Variants in ADCY2 observed in about 807,000 individuals in gnomAD.
The protein encoded by ADCY2 is adenylate cyclase 2, also known as adenylate cyclase type 2.
Under a neutral mutation model 125.2 loss-of-function variants are expected in ADCY2, and 31 were observed. The observed-to-expected ratio is 0.25, with a 90% CI of 0.19 to 0.33. The LOEUF is 0.33. Ranked by LOEUF, ADCY2 falls within the 10% of genes least tolerant of loss-of-function variation. The probability of loss-of-function intolerance (pLI) is 1.00; values close to 1 mark genes in which losing one functional copy is unlikely to be tolerated. For synonymous variants in ADCY2, 512 were observed against 548.4 expected (o/e 0.93, Z 0.93); for missense variants, 904 against 1,418.2 (o/e 0.64, Z 5.82).
intron 14 of ADCY2, among the ~76,000 whole-genome samples, chr5:7,735,802 G>C (rs1303370977): frequency 6.6e-6 from 1 of 152,116 alleles, no homozygotes; most frequent in South Asian, 2.1e-4. Flanking sequence ...GATGTCTTTG[G>C]TATTGGTGTC....
chr5:7,805,457 T>A (rs866404789), intron 22 of ADCY2, among the ~76,000 whole-genome samples: 68 of 150,670 alleles, frequency 4.5e-4, no homozygotes, highest in South Asian at 3.6e-3. Context: ...TGTGTGTGTG[T>A]GAGAGAGAGA....
chr5:7,826,519 A>G, intron 24 of ADCY2, 200 bp from the exon 25 acceptor site: 1 of 701,232 alleles, frequency 1.4e-6, no homozygotes, highest in Non-Finnish European at 2.5e-6. Flanking sequence ...GTTTTTCACT[A>G]TCCCAGCGCT....
intron 3 of ADCY2, among the ~76,000 whole-genome samples, chr5:7,557,202 A>ATATATATATATATATATATATATATGC (rs1735553787): frequency 1.3e-5 from 1 of 79,104 alleles, no homozygotes; most frequent in African/African-American, 3.5e-5. Context: ...GATATATATA[A>ATATATATATATATATATATATATATGC]CTCAAGTGAG....
At chr5:7,651,995 G>A (rs556945063) in intron 4 of ADCY2, among the ~76,000 whole-genome samples, 1 of 152,136 alleles carries the variant, frequency 6.6e-6, no homozygotes, top group African/African-American at 2.4e-5. Context: ...TAAGGACGGG[G>A]GTTTCACCAT....
chr5:7,430,877 T>C (rs1418249734), intron 2 of ADCY2, among the ~76,000 whole-genome samples: 2 of 152,092 alleles, frequency 1.3e-5, no homozygotes, highest in African/African-American at 2.4e-5. Context: ...TTGAGAGAAG[T>C]TAAAGAGCTA....
At chr5:7,537,231 CATTTA>C (rs1002389036) in intron 3 of ADCY2, among the ~76,000 whole-genome samples, 2 of 152,126 alleles carry the variant, frequency 1.3e-5, no homozygotes, top group Admixed American at 6.5e-5. Context: ...AAAACATTTC[CATTTA>C]ATTACAGGAC....
intron 2 of ADCY2, among the ~76,000 whole-genome samples, chr5:7,455,402 C>T (rs1741632433): frequency 6.6e-6 from 1 of 152,094 alleles, no homozygotes; most frequent in Admixed American, 6.6e-5. Context: ...TCTCCTTAAA[C>T]TATGGACATT....
chr5:7,564,852 A>G (rs879792395), intron 3 of ADCY2, among the ~76,000 whole-genome samples: 3 of 152,214 alleles, frequency 2.0e-5, no homozygotes, highest in African/African-American at 7.2e-5. Context: ...AGGATTCACA[A>G]AAATAACAGC....
At chr5:7,756,669 G>A (rs539461161) in intron 15 of ADCY2, among the ~76,000 whole-genome samples, 2 of 152,280 alleles carry the variant, frequency 1.3e-5, no homozygotes, top group South Asian at 4.1e-4. Flanking sequence ...GGTTGCCGGG[G>A]GCTGGGAGGA....
In ADCY2 at chr5:7,802,385, T is replaced by G; in HGVS notation, c.2775+21T>G. 1.2e-6 allele frequency: 2 copies of G among 1,611,746 alleles called. No individual in the cohort carries two copies. Among genetic ancestry groups the G allele is most frequent in the Non-Finnish European group, 1.7e-6 (2 of 1,178,606 alleles). ...ATGATGTAGGTACTGAGAGTTGCCC[T>G]CGAAGGGCAGCAGTACACTCAGTCT... On this transcript the variant is annotated intron_variant, in intron 21 of 24. Coordinates refer to ENST00000338316, the MANE Select transcript of ADCY2 (RefSeq NM_020546.3). This position sits in a 1 kb window ranked among gnomAD's most constrained non-coding sequence, Gnocchi z 4.6.
chr5:7,403,734 TTA>T (rs571661965), intron 1 of ADCY2, among the ~76,000 whole-genome samples: 19 of 152,156 alleles, frequency 1.2e-4, no homozygotes, highest in African/African-American at 4.6e-4. Flanking sequence ...TACACATAAA[TTA>T]TATATATGTG....
At chr5:7,573,588 A>ATTTTTTTTTTT (rs1561102712) in intron 3 of ADCY2, among the ~76,000 whole-genome samples, 4 of 94,622 alleles carry the variant, frequency 4.2e-5, no homozygotes, top group Non-Finnish European at 8.6e-5. Flanking sequence ...TACAGGGTTG[A>ATTTTTTTTTTT]TTTTCTTTTT....
chr5:7,602,733 C>T (rs917042507), intron 3 of ADCY2, among the ~76,000 whole-genome samples: 1 of 152,148 alleles, frequency 6.6e-6, no homozygotes, highest in African/African-American at 2.4e-5. Flanking sequence ...TCAATTTATT[C>T]ATTTGCTTCA....
At chr5:7,741,851 C>G in intron 14 of ADCY2, among the ~76,000 whole-genome samples, 1 of 151,580 alleles carries the variant, frequency 6.6e-6, no homozygotes, top group African/African-American at 2.4e-5. Context: ...ATCGTCATCA[C>G]CATCACCATC....
chr5:7,662,726 T>A (rs1208354738), intron 4 of ADCY2, among the ~76,000 whole-genome samples: 1 of 152,142 alleles, frequency 6.6e-6, no homozygotes, highest in Non-Finnish European at 1.5e-5. Context: ...CTGGATGCTG[T>A]TGCACACGGA....
chr5:7,568,877 A>T (rs1735989037), intron 3 of ADCY2, among the ~76,000 whole-genome samples: 1 of 152,118 alleles, frequency 6.6e-6, no homozygotes, highest in Non-Finnish European at 1.5e-5. Flanking sequence ...AGCCATGATG[A>T]CATGGAGCTG....
At chr5:7,775,943 TAAAAC>T (rs1031030169) in intron 18 of ADCY2, among the ~76,000 whole-genome samples, 2 of 152,210 alleles carry the variant, frequency 1.3e-5, no homozygotes, top group African/African-American at 4.8e-5. Context: ...GATGTCCACT[TAAAAC>T]TAACCCCACA....
At position 7,520,819 on chromosome 5, in the gene ADCY2, C is replaced by T; in HGVS notation, c.490C>T (p.Leu164Phe). 1 of 1,614,208 alleles carries T rather than the reference C, an allele frequency of 6.2e-7. No individual in the cohort carries two copies. Among genetic ancestry groups the T allele is most frequent in the South Asian group, 1.1e-5 (1 of 91,080 alleles). ...GCGAGACGCCATCATTGCCAGCGTCCTCACCTCCTCCTCCCACACCATCGT... is the reference window on the plus strand; with the variant it reads ...GCGAGACGCCATCATTGCCAGCGTCTTCACCTCCTCCTCCCACACCATCGT... ...NMRDAIIASV[L>F]TSSSHTIVLS... The change falls in exon 3 of 25, where the codon CTC becomes TTC. Residue 164 changes from leucine (L) to phenylalanine (F), a missense_variant. This residue lies in a region of ADCY2 where 121 missense variants were observed against 161.5 expected (regional missense o/e 0.75). Coordinates refer to ENST00000338316, the MANE Select transcript of ADCY2 (RefSeq NM_020546.3).
intron 15 of ADCY2, chr5:7,749,881 G>A (rs1032450808): frequency 4.6e-5 from 7 of 152,196 alleles, no homozygotes; most frequent in African/African-American, 1.2e-4. Flanking sequence ...CTACCCCACA[G>A]CAGTGTTTTT....
Sources: allele counts gnomAD v4.1 joint callset (sites outside exome capture counted in the v4.1 genomes callset), GRCh38; gene constraint gnomAD v4.1.1; regional missense constraint gnomAD v4.1.1; non-coding constraint Gnocchi (gnomAD v3.1); transcripts MANE v1.5; gene names NCBI Gene and HGNC (gene_info 2026-07-23, HGNC 2026-07-21).